The following SLCO3A1 variants were observed in gnomAD, a reference collection of about 807,000 sequenced individuals.
SLCO3A1 encodes solute carrier organic anion transporter family member 3A1, also known as PGE1 transporter.
Under a neutral mutation model 63.1 loss-of-function variants are expected in SLCO3A1, and 27 were observed. The ratio of observed to expected loss-of-function variants is 0.43; its 90% confidence interval spans 0.32 to 0.59. The LOEUF is 0.59. Among genes scored for constraint, SLCO3A1 ranks in the 20% least tolerant of loss-of-function variants. SLCO3A1 has a pLI of 0.09. For missense variants in SLCO3A1, 773 were observed against 945.8 expected (o/e 0.82, Z 2.40); for synonymous variants, 473 against 409.9 (o/e 1.15, Z -1.86).
chr15:91,854,179 G>A lies in SLCO3A1; in HGVS notation c.180+91G>A, dbSNP rs1742476356. 2 of 1,206,846 alleles carry A rather than the reference G, an allele frequency of 1.7e-6. No homozygotes were observed. Among genetic ancestry groups the A allele is most frequent in the Non-Finnish European group, 2.1e-6 (2 of 940,320 alleles). The allele number at this position is 1,206,846 out of a possible 1,614,324, so 74.8% of individuals were successfully genotyped here. ...CCCGACGAGGGGGCCGCCCGGCGCTGGGGGCAGGCGGGCATGACCTCGGCC... is the reference window on the plus strand; with the variant it reads ...CCCGACGAGGGGGCCGCCCGGCGCTAGGGGCAGGCGGGCATGACCTCGGCC... On this transcript the variant is annotated intron_variant, in intron 1 of 9. Transcript: ENST00000318445. The surrounding 1 kb of genome is among the most constrained non-coding windows in gnomAD (Gnocchi z 6.4).
At chr15:92,080,359 T>C (rs1452792280) in intron 2 of SLCO3A1, among the ~76,000 whole-genome samples, 1 of 151,532 alleles carries the variant, frequency 6.6e-6, no homozygotes, top group East Asian at 1.9e-4. Context: ...TTCCCGAGCC[T>C]ACAATTATTA....
chr15:92,040,190 T>C (rs1393287295), intron 2 of SLCO3A1, among the ~76,000 whole-genome samples: 4 of 152,182 alleles, frequency 2.6e-5, no homozygotes, highest in South Asian at 2.1e-4. Context: ...GTTCTGCACT[T>C]GTATCCCAGA....
intron 2 of SLCO3A1, among the ~76,000 whole-genome samples, chr15:92,048,758 G>A (rs565646058): frequency 4.6e-5 from 7 of 152,266 alleles, no homozygotes; most frequent in African/African-American, 1.4e-4. Context: ...AATTAGCCAG[G>A]CTAGTGGCGG....
chr15:92,034,662 A>G (rs1270679188), intron 2 of SLCO3A1, among the ~76,000 whole-genome samples: 1 of 151,788 alleles, frequency 6.6e-6, no homozygotes, highest in Admixed American at 6.6e-5. Flanking sequence ...AGGAAGCAGG[A>G]CCAACTGGGT....
At chr15:91,978,476 G>A (rs1901204276) in intron 2 of SLCO3A1, among the ~76,000 whole-genome samples, 1 of 152,158 alleles carries the variant, frequency 6.6e-6, no homozygotes, top group South Asian at 2.1e-4. Context: ...ACTCATCTAA[G>A]CCCTGGTCCA....
intron 7 of SLCO3A1, among the ~76,000 whole-genome samples, chr15:92,136,817 C>T (rs897456817): frequency 6.6e-6 from 1 of 152,172 alleles, no homozygotes; most frequent in Non-Finnish European, 1.5e-5. Flanking sequence ...TTTTACTGCA[C>T]ATAAAAGGCC....
chr15:91,962,130 C>T (rs1346976576), intron 2 of SLCO3A1, among the ~76,000 whole-genome samples: 1 of 152,120 alleles, frequency 6.6e-6, no homozygotes, highest in Admixed American at 6.5e-5. Context: ...TCAGAAGATG[C>T]CGCAGACTGC....
Position 92,089,277 on chromosome 15 carries a change from C to T in SLCO3A1, c.647-5604C>T, listed in dbSNP as rs1473341931. ...TCCTGACCTCGTGATCCGCTTGCCTCAGCCTCCCAGAGCTCTGGGATTACA... is the reference window on the plus strand; with the variant it reads ...TCCTGACCTCGTGATCCGCTTGCCTTAGCCTCCCAGAGCTCTGGGATTACA... On this transcript the variant is annotated intron_variant, in intron 2 of 9. Transcript: ENST00000318445. Among the ~76,000 whole-genome samples the T allele has an allele frequency of 2.0e-5, 3 of 152,182 alleles. No homozygotes were observed. The East Asian group carries it at 5.8e-4, about 29-fold the overall frequency.
rs560559433 is a variant in SLCO3A1 at position 91,868,209 on chromosome 15, G to A, written c.180+14121G>A. On this transcript the variant is annotated intron_variant, in intron 1 of 9. Coordinates refer to ENST00000318445, the MANE Select transcript of SLCO3A1 (RefSeq NM_013272.4). ...TGGGATTACAGGAGTGCACTACCAC[G>A]CCCAGCAGATTTTTGTATTTTTAGT... 3.1e-4 allele frequency among the ~76,000 whole-genome samples: 47 copies of A among 151,908 alleles called. No individual in the cohort carries two copies. In the South Asian group the frequency reaches 8.7e-3, roughly 28 times the overall value.
At chr15:91,884,858 CT>C (rs750190163) in intron 1 of SLCO3A1, among the ~76,000 whole-genome samples, 57 of 151,112 alleles carry the variant, frequency 3.8e-4, no homozygotes, top group South Asian at 1.7e-3. Flanking sequence ...CTCATTTCAT[CT>C]TTTTTTTTAA....
chr15:92,155,473 T>A (rs1596154037), intron 9 of SLCO3A1, among the ~76,000 whole-genome samples: 1 of 152,258 alleles, frequency 6.6e-6, no homozygotes, highest in East Asian at 1.9e-4. Context: ...ACAGAGGGCC[T>A]TGATTTTCAA....
At chr15:92,122,236 A>G (rs2047871236) in intron 5 of SLCO3A1, among the ~76,000 whole-genome samples, 1 of 152,138 alleles carries the variant, frequency 6.6e-6, no homozygotes, top group South Asian at 2.1e-4. Flanking sequence ...CACGTGATGG[A>G]AGCTACTGAG....
chr15:92,071,684 GTGGCCTCTCCTC>G (rs1483884101), intron 2 of SLCO3A1, among the ~76,000 whole-genome samples: 2 of 152,304 alleles, frequency 1.3e-5, no homozygotes, highest in East Asian at 3.9e-4. Flanking sequence ...GGGGTGGGCC[GTGGCCTCTCCTC>G]TGGCCCCAGT....
At position 92,103,884 on chromosome 15, in the gene SLCO3A1, C is replaced by CT. The variant is rs2047635507; in HGVS notation, c.746-390dup. ...ATTGAGTGGGATCTCGTGTGAGCTGCTTTTTGGAAGCCAAGAGTGAATATA... is the reference window on the plus strand; with the variant it reads ...ATTGAGTGGGATCTCGTGTGAGCTGCTTTTTTGGAAGCCAAGAGTGAATATA... On this transcript the variant is annotated intron_variant, in intron 3 of 9. Coordinates refer to ENST00000318445, the MANE Select transcript of SLCO3A1 (RefSeq NM_013272.4). Among the ~76,000 whole-genome samples the CT allele has an allele frequency of 2.0e-5, 3 of 152,084 alleles. No individual in the cohort carries two copies. In the South Asian group the frequency reaches 6.2e-4, roughly 32 times the overall value.
At chr15:91,957,688 T>G (rs1490063052) in intron 2 of SLCO3A1, among the ~76,000 whole-genome samples, 1 of 152,198 alleles carries the variant, frequency 6.6e-6, no homozygotes, top group African/African-American at 2.4e-5. Flanking sequence ...ATTGGCCTTA[T>G]GTAAAGTTGT....
At chr15:92,030,957 G>A (rs927629917) in intron 2 of SLCO3A1, among the ~76,000 whole-genome samples, 10 of 130,418 alleles carry the variant, frequency 7.7e-5, no homozygotes, top group Non-Finnish European at 1.4e-4. Context: ...GTGTGCTGTA[G>A]AATTACATAA....
At chr15:91,990,261 T>G (rs189613699) in intron 2 of SLCO3A1, among the ~76,000 whole-genome samples, 1 of 152,300 alleles carries the variant, frequency 6.6e-6, no homozygotes, top group Admixed American at 6.5e-5. Context: ...TTTAATAGAT[T>G]TTTGTTCTTC....
chr15:91,910,492 C>T (rs371688224), intron 1 of SLCO3A1, among the ~76,000 whole-genome samples: 1 of 152,234 alleles, frequency 6.6e-6, no homozygotes, highest in African/African-American at 2.4e-5. Flanking sequence ...AGCATGCACA[C>T]CAGTGATGTG....
chr15:91,857,799 C>T (rs1436769344), intron 1 of SLCO3A1, among the ~76,000 whole-genome samples: 29 of 152,140 alleles, frequency 1.9e-4, no homozygotes, highest in Non-Finnish European at 2.9e-5. Flanking sequence ...GCCTCTGACA[C>T]TTCTAGATGA....
Sources: allele counts gnomAD v4.1 joint callset (sites outside exome capture counted in the v4.1 genomes callset), GRCh38; gene constraint gnomAD v4.1.1; non-coding constraint Gnocchi (gnomAD v3.1); transcripts MANE v1.5; gene names NCBI Gene and HGNC (gene_info 2026-07-23, HGNC 2026-07-21).